GRM5: variants seen among roughly 807,000 people sequenced by gnomAD.
The protein encoded by GRM5 is glutamate metabotropic receptor 5.
GRM5 carries 19 observed loss-of-function variants against 83.1 expected under a neutral mutation model. That is an observed-to-expected ratio of 0.23 (90% CI 0.16 to 0.34). The LOEUF (loss-of-function observed/expected upper bound fraction) is 0.34. Ranked by LOEUF, GRM5 falls within the 10% of genes least tolerant of loss-of-function variation. The pLI is 1.00. For missense variants in GRM5, 1,160 were observed against 1,588.3 expected (o/e 0.73, Z 4.58); for synonymous variants, 675 against 633.6 (o/e 1.07, Z -0.98).
chr11:88,871,460 A>T (rs918815103), intron 2 of GRM5, among the ~76,000 whole-genome samples: 7 of 151,598 alleles, frequency 4.6e-5, no homozygotes, highest in African/African-American at 1.7e-4. Context: ...GCCATAATGC[A>T]AATAAAGATA....
intron 3 of GRM5, among the ~76,000 whole-genome samples, chr11:88,790,609 G>A (rs1407127827): frequency 2.0e-5 from 3 of 152,130 alleles, no homozygotes; most frequent in South Asian, 2.1e-4. Context: ...CGATGTATGT[G>A]ACAGATAGAT....
chr11:88,975,376 G>A (rs910237628), intron 2 of GRM5, among the ~76,000 whole-genome samples: 1 of 152,116 alleles, frequency 6.6e-6, no homozygotes, highest in Non-Finnish European at 1.5e-5. Flanking sequence ...ACTGTAGTGT[G>A]AACAAAAATT....
At chr11:88,559,857 T>C (rs1345225237) in intron 8 of GRM5, among the ~76,000 whole-genome samples, 2 of 152,034 alleles carry the variant, frequency 1.3e-5, no homozygotes, top group African/African-American at 4.8e-5. Flanking sequence ...AATTCTAACG[T>C]GGGATGATAA....
At chr11:88,590,053 G>T (rs186606504) in intron 7 of GRM5, among the ~76,000 whole-genome samples, 2 of 151,948 alleles carry the variant, frequency 1.3e-5, no homozygotes, top group Admixed American at 6.6e-5. Context: ...AGAAGCAAAA[G>T]CTAAAACAAA....
At chr11:88,616,788 C>CA (rs1208526941) in intron 4 of GRM5, among the ~76,000 whole-genome samples, 17 of 152,102 alleles carry the variant, frequency 1.1e-4, no homozygotes, top group Admixed American at 6.6e-5. Flanking sequence ...ACATTCAATA[C>CA]AAAAATTGCC....
chr11:88,601,663 G>T (rs1001018672), intron 5 of GRM5, among the ~76,000 whole-genome samples: 1 of 151,896 alleles, frequency 6.6e-6, no homozygotes, highest in Admixed American at 6.6e-5. Flanking sequence ...TTAGTTTTTT[G>T]CTTTAATTAG....
At chr11:88,952,977 C>A (rs530299369) in intron 2 of GRM5, among the ~76,000 whole-genome samples, 46 of 152,158 alleles carry the variant, frequency 3.0e-4, no homozygotes, top group African/African-American at 1.1e-3. Flanking sequence ...GGATTTTCCC[C>A]TCTCTTTTCT....
chr11:88,753,078 A>C (rs1314124961), intron 3 of GRM5, among the ~76,000 whole-genome samples: 1 of 152,214 alleles, frequency 6.6e-6, no homozygotes, highest in Non-Finnish European at 1.5e-5. Flanking sequence ...CACCAAAAGC[A>C]ATTGCAACAA....
intron 3 of GRM5, among the ~76,000 whole-genome samples, chr11:88,737,837 G>C (rs1499182): frequency 6.6e-6 from 1 of 151,926 alleles, no homozygotes; most frequent in Non-Finnish European, 1.5e-5. Flanking sequence ...CTGAAATTTA[G>C]CTTTAAAATA....
At chr11:88,712,983 G>A (rs1216710914) in intron 3 of GRM5, among the ~76,000 whole-genome samples, 1 of 151,942 alleles carries the variant, frequency 6.6e-6, no homozygotes, top group Non-Finnish European at 1.5e-5. Flanking sequence ...CAAGGCCTGG[G>A]GCTATGACAA....
rs1180972459 is a variant in GRM5 at position 88,669,129 on chromosome 11, G to C, written c.912-15726C>G. Among the ~76,000 whole-genome samples the C allele has an allele frequency of 2.0e-5, 3 of 152,110 alleles. No individual in the cohort carries two copies. The East Asian group carries it at 5.8e-4, about 29-fold the overall frequency. On this transcript the variant is annotated intron_variant, in intron 3 of 9. Transcript: ENST00000305447. Reference sequence around the variant, plus strand: ...CATTGTTCACAACAATCAAGATGTAGATACACCCTAAATGTTCACTAGTGG... The same window carrying C: ...CATTGTTCACAACAATCAAGATGTACATACACCCTAAATGTTCACTAGTGG...
intron 2 of GRM5, among the ~76,000 whole-genome samples, chr11:88,968,029 T>C (rs184796585): frequency 6.6e-6 from 1 of 152,228 alleles, no homozygotes; most frequent in African/African-American, 2.4e-5. Flanking sequence ...GTGATGTCTA[T>C]TGATAGTGGA....
At chr11:89,060,834 A>T (rs1941977028) in intron 1 of GRM5, among the ~76,000 whole-genome samples, 1 of 152,132 alleles carries the variant, frequency 6.6e-6, no homozygotes, top group Non-Finnish European at 1.5e-5. Context: ...CAAAACTAAA[A>T]ATTGAAGTTT....
At position 88,798,805 on chromosome 11, in the gene GRM5, C is replaced by CAAAAAAA. The variant is rs4002396; in HGVS notation, c.911+51094_911+51100dup. Among the ~76,000 whole-genome samples, 272 of 55,212 alleles carry CAAAAAAA rather than the reference C, an allele frequency of 4.9e-3. 2 individuals are homozygous for CAAAAAAA. The highest frequency in any genetic ancestry group is 0.016 in the Middle Eastern group (1 of 64). 36.2% of individuals were successfully genotyped at this position (55,212 alleles called of 152,430 possible). ...ACTCTTTGCTACCTAATGAAAACACCAAAAAAAAAAAAAAAAAAAAAACAA... is the reference window on the plus strand; with the variant it reads ...ACTCTTTGCTACCTAATGAAAACACCAAAAAAAAAAAAAAAAAAAAAAAAAAAAACAA... On this transcript the variant is annotated intron_variant, in intron 3 of 9. Transcript: ENST00000305447.
At chr11:88,827,924 G>T (rs191953418) in intron 3 of GRM5, among the ~76,000 whole-genome samples, 2 of 152,280 alleles carry the variant, frequency 1.3e-5, no homozygotes, top group East Asian at 3.9e-4. Flanking sequence ...AGTGGGTGGG[G>T]GGTAAAGACT....
At chr11:88,728,714 T>C (rs538261203) in intron 3 of GRM5, among the ~76,000 whole-genome samples, 1 of 152,200 alleles carries the variant, frequency 6.6e-6, no homozygotes, top group African/African-American at 2.4e-5. Context: ...GCAAGGCTGG[T>C]TCAACATATG....
chr11:88,715,084 G>A (rs1051830899), intron 3 of GRM5, among the ~76,000 whole-genome samples: 6 of 151,828 alleles, frequency 4.0e-5, no homozygotes, highest in Admixed American at 6.6e-5. Flanking sequence ...TGTATATTTC[G>A]CCTTCATAAA....
chr11:88,796,837 A>G (rs1943284164), intron 3 of GRM5, among the ~76,000 whole-genome samples: 1 of 151,960 alleles, frequency 6.6e-6, no homozygotes. Flanking sequence ...ATGTGGAAAG[A>G]AACAGGTGCC....
chr11:88,629,044 C>T (rs1938884874), intron 4 of GRM5, among the ~76,000 whole-genome samples: 1 of 152,138 alleles, frequency 6.6e-6, no homozygotes, highest in Admixed American at 6.6e-5. Context: ...GTAAATGGTG[C>T]TTTCCTATGT....
Sources: gnomAD v4.1 joint callset for allele counts (sites outside exome capture counted in the v4.1 genomes callset) on GRCh38, gnomAD v4.1.1 for gene constraint, MANE v1.5 for transcripts, NCBI Gene and HGNC (gene_info 2026-07-23, HGNC 2026-07-21) for gene names.